The following GPAT3 variants were observed in gnomAD, a reference collection of about 807,000 sequenced individuals.
The protein encoded by GPAT3 is glycerol-3-phosphate acyltransferase 3.
GPAT3 carries 53 observed loss-of-function variants against 58.8 expected under a neutral mutation model. That is an observed-to-expected ratio of 0.90 (90% CI 0.72 to 1.13). The LOEUF (loss-of-function observed/expected upper bound fraction) is 1.13. Ranked by LOEUF, GPAT3 falls within the 50% of genes most tolerant of loss-of-function variation. The probability of loss-of-function intolerance (pLI) is 0.00; values close to 1 mark genes in which losing one functional copy is unlikely to be tolerated. For synonymous variants in GPAT3, 197 were observed against 187.4 expected, an observed-to-expected ratio of 1.05 and a Z score of -0.42; for missense variants, 511 against 527.6, an observed-to-expected ratio of 0.97 and a Z score of 0.31.
intron 1 of GPAT3, among the ~76,000 whole-genome samples, chr4:83,538,591 C>T (rs1724185267): frequency 3.3e-5 from 5 of 152,198 alleles, no homozygotes. Flanking sequence ...CCACTGGCTT[C>T]CAGGGGCTCA....
Position 83,598,610 on chromosome 4 carries a change from G to A in GPAT3, c.1126-34G>A, listed in dbSNP as rs1350678581. 2.0e-6 allele frequency: 3 copies of A among 1,529,402 alleles called. No individual in the cohort carries two copies. In the Admixed American group the frequency reaches 5.5e-5, roughly 28 times the overall value. 94.7% of individuals were successfully genotyped at this position (1,529,402 alleles called of 1,614,324 possible). On this transcript the variant is annotated intron_variant, in intron 10 of 11. Coordinates refer to ENST00000264409, the MANE Select transcript of GPAT3 (RefSeq NM_032717.5). Reference sequence around the variant, plus strand: ...ATGGTATTAAAAACTCGATAACTAAGATATTCTTGCAATTTTTTTTTTTTT... The same window carrying A: ...ATGGTATTAAAAACTCGATAACTAAAATATTCTTGCAATTTTTTTTTTTTT...
At chr4:83,586,533 A>G (rs1726381072) in intron 3 of GPAT3, among the ~76,000 whole-genome samples, 2 of 152,246 alleles carry the variant, frequency 1.3e-5, no homozygotes, top group Non-Finnish European at 1.5e-5. Flanking sequence ...ACAAAGTAAG[A>G]TGATTTAAAG....
At chr4:83,565,983 G>A (rs1199406473) in intron 2 of GPAT3, among the ~76,000 whole-genome samples, 1 of 152,184 alleles carries the variant, frequency 6.6e-6, no homozygotes, top group African/African-American at 2.4e-5. Context: ...GTGGGAGTGG[G>A]TTTCAGGAGA....
chr4:83,598,498 G>T (rs1726932920), intron 10 of GPAT3, 146 bp from the exon 11 acceptor site: 5 of 808,954 alleles, frequency 6.2e-6, no homozygotes, highest in South Asian at 3.2e-5. Flanking sequence ...TAGAACAAAT[G>T]ATATTTGCTA....
chr4:83,546,053 C>T (rs1446310041), intron 2 of GPAT3, among the ~76,000 whole-genome samples: 9 of 152,138 alleles, frequency 5.9e-5, no homozygotes, highest in Non-Finnish European at 1.0e-4. Flanking sequence ...GGCGAGATGT[C>T]GGCTCACTGT....
intron 4 of GPAT3, 70 bp downstream of exon 4, chr4:83,587,399 T>C (rs1726417153): frequency 1.5e-6 from 2 of 1,340,282 alleles, no homozygotes; most frequent in Admixed American, 2.1e-5. Flanking sequence ...ACAAAGAGAA[T>C]ATTTGTTTGA....
At chr4:83,579,031 TTTC>T (rs1725962600) in intron 2 of GPAT3, among the ~76,000 whole-genome samples, 1 of 25,542 alleles carries the variant, frequency 3.9e-5, no homozygotes, top group Non-Finnish European at 8.1e-5. Context: ...TCTTTCTTTC[TTTC>T]TTTCTTTCTT....
intron 2 of GPAT3, among the ~76,000 whole-genome samples, chr4:83,566,319 G>A (rs1310198216): frequency 6.6e-6 from 1 of 152,118 alleles, no homozygotes; most frequent in South Asian, 2.1e-4. Context: ...GATTATAGGC[G>A]TGAGCCACCA....
In GPAT3 at chr4:83,598,637, A is replaced by T. The variant is rs1270631135; in HGVS notation, c.1126-7A>T. 16 of 1,584,518 alleles carry T rather than the reference A, an allele frequency of 1.0e-5. No individual in the cohort carries two copies. Among genetic ancestry groups the T allele is most frequent in the Admixed American group, 9.0e-5 (5 of 55,468 alleles). On this transcript the variant is annotated splice_region_variant and splice_polypyrimidine_tract_variant and intron_variant, in intron 10 of 11. Transcript: ENST00000264409. ...TATTCTTGCAATTTTTTTTTTTTTTAAACCAGGAAGGAGAAGATGCAGTCC... is the reference window on the plus strand; with the variant it reads ...TATTCTTGCAATTTTTTTTTTTTTTTAACCAGGAAGGAGAAGATGCAGTCC...
intron 2 of GPAT3, among the ~76,000 whole-genome samples, chr4:83,574,624 A>ATTTTTTTTTTTTT (rs561972057): frequency 1.8e-4 from 10 of 55,592 alleles, no homozygotes; most frequent in South Asian, 6.1e-4. Context: ...AGTAAAATGA[A>ATTTTTTTTTTTTT]TTTTTTTTTT....
At chr4:83,574,965 C>T (rs929440920) in intron 2 of GPAT3, among the ~76,000 whole-genome samples, 4 of 149,522 alleles carry the variant, frequency 2.7e-5, no homozygotes, top group African/African-American at 4.9e-5. Flanking sequence ...AGGCTCCGCC[C>T]CCTGGGGTTC....
At chr4:83,547,003 C>T (rs34772934) in intron 2 of GPAT3, among the ~76,000 whole-genome samples, 8,399 of 151,988 alleles carry the variant, frequency 0.055, 749 homozygotes, top group African/African-American at 0.18. Context: ...CCTAGACAGA[C>T]TGATAGAGGG....
Position 83,588,222 on chromosome 4 carries a change from G to A in GPAT3, c.567G>A (p.Trp189Ter). 1 of 1,613,940 alleles carries A rather than the reference G, an allele frequency of 6.2e-7. No homozygotes were observed. Among genetic ancestry groups the A allele is most frequent in the Non-Finnish European group, 8.5e-7 (1 of 1,179,908 alleles). Residue 189 changes from tryptophan (W) to a stop codon, truncating the protein, a stop_gained, in exon 5 of 12, where the codon TGG becomes TGA. Transcript: ENST00000264409. LOFTEE classifies it high-confidence loss of function. ...GQLPDSSLKN[W>*]LSELVHLTCC... ...CTATTTCCTTCAGCCTCAAAAACTG[G>A]CTGAGTGAACTGGTCCATCTGACTT... is the stretch of plus-strand genomic sequence containing the variant.
intron 11 of GPAT3, among the ~76,000 whole-genome samples, chr4:83,599,836 A>G (rs1291132129): frequency 6.6e-6 from 1 of 152,188 alleles, no homozygotes; most frequent in East Asian, 1.9e-4. Context: ...TCCTAATACC[A>G]TGGATAGTAC....
chr4:83,597,946 T>TC, intron 9 of GPAT3, 105 bp from the exon 10 acceptor site: 1 of 1,348,124 alleles, frequency 7.4e-7, no homozygotes, highest in Admixed American at 2.3e-5. Context: ...ACTTTTTTTT[T>TC]CTTAGAGTCT....
chr4:83,555,952 T>G (rs1255113408), intron 2 of GPAT3, among the ~76,000 whole-genome samples: 1 of 152,218 alleles, frequency 6.6e-6, no homozygotes, highest in Non-Finnish European at 1.5e-5. Context: ...GAGAGTATAG[T>G]AGAAGAAAAG....
At chr4:83,570,116 G>A (rs1292736420) in intron 2 of GPAT3, among the ~76,000 whole-genome samples, 3 of 152,180 alleles carry the variant, frequency 2.0e-5, no homozygotes, top group African/African-American at 7.2e-5. Flanking sequence ...ATTGGTTAGA[G>A]CGATGTGAAA....
At chr4:83,579,293 C>G (rs1405253265) in intron 2 of GPAT3, among the ~76,000 whole-genome samples, 1 of 118,820 alleles carries the variant, frequency 8.4e-6, no homozygotes, top group African/African-American at 3.3e-5. Flanking sequence ...CTCCCCTCCC[C>G]TCCCCTCCCC....
At chr4:83,559,582 C>G (rs897711977) in intron 2 of GPAT3, among the ~76,000 whole-genome samples, 1 of 152,152 alleles carries the variant, frequency 6.6e-6, no homozygotes, top group Non-Finnish European at 1.5e-5. Context: ...CCTCGGCCCC[C>G]CAAAGTGTGG....
Sources: gnomAD v4.1 joint callset for allele counts (sites outside exome capture counted in the v4.1 genomes callset) on GRCh38, gnomAD v4.1.1 for gene constraint, MANE v1.5 for transcripts, NCBI Gene and HGNC (gene_info 2026-07-23, HGNC 2026-07-21) for gene names.